The following HEATR6 variants were observed in gnomAD, a reference collection of about 807,000 sequenced individuals.
The protein encoded by HEATR6 is HEAT repeat-containing protein 6.
A neutral mutation model predicts 132.8 loss-of-function variants in HEATR6; 106 were observed. The ratio of observed to expected loss-of-function variants is 0.80; its 90% CI spans 0.68 to 0.94. HEATR6 has a LOEUF of 0.94. HEATR6 is among the 40% of genes least tolerant of loss of function. HEATR6 has a pLI of 0.00. For synonymous variants in HEATR6, 529 were observed against 537.8 expected, an observed-to-expected ratio of 0.98 and a Z score of 0.23; for missense variants, 1,339 against 1,425.1, an observed-to-expected ratio of 0.94 and a Z score of 0.97.
At chr17:60,048,994 A>G (rs1274618360) in intron 16 of HEATR6, among the ~76,000 whole-genome samples, 14,947 of 132,130 alleles carry the variant, frequency 0.11, 1,550 homozygotes, top group African/African-American at 0.24. Context: ...ATATATATAT[A>G]TATATATATA....
chr17:60,047,273 CTGTT>C (rs1906401017), intron 18 of HEATR6, 32 bp downstream of exon 18: 1 of 1,344,974 alleles, frequency 7.4e-7, no homozygotes, highest in Non-Finnish European at 1.1e-6. Flanking sequence ...CATTAACTAT[CTGTT>C]TGGGAGATAC....
intron 14 of HEATR6, among the ~76,000 whole-genome samples, chr17:60,052,892 T>C (rs1386074807): frequency 6.6e-6 from 1 of 152,092 alleles, no homozygotes; most frequent in Non-Finnish European, 1.5e-5. Flanking sequence ...CTCCTATGTG[T>C]TAGCATCTTT....
Position 60,041,784 on chromosome 17 carries a change from G to C in HEATR6, c.*1779C>G, listed in dbSNP as rs867318038. Among the ~76,000 whole-genome samples the C allele has an allele frequency of 4.6e-5, 7 of 152,122 alleles. No homozygotes were observed. Among genetic ancestry groups the C allele is most frequent in the African/African-American group, 7.2e-5 (3 of 41,424 alleles). On this transcript the variant is annotated 3_prime_UTR_variant, in exon 20 of 20. Transcript: ENST00000184956. ...AGAGGCAGGAAAACAGCAGCTAAAA[G>C]GCAAAGGAGAAAAATGGAAGACACC...
intron 1 of HEATR6, 35 bp from the exon 2 acceptor site, chr17:60,076,272 TA>T (rs751010839): frequency 8.4e-7 from 1 of 1,196,896 alleles, no homozygotes; most frequent in Non-Finnish European, 1.2e-6. Flanking sequence ...GTAAAATACT[TA>T]TTAGTCAAGT....
At chr17:60,066,771 T>A (rs979029432) in intron 8 of HEATR6, among the ~76,000 whole-genome samples, 1 of 152,118 alleles carries the variant, frequency 6.6e-6, no homozygotes. Flanking sequence ...CTGCCAGACA[T>A]AAACAAAGCC....
In HEATR6 at chr17:60,067,599, G is replaced by A; in HGVS notation, c.1073C>T (p.Thr358Ile). The change falls in exon 8 of 20, where the codon ACT becomes ATT. Residue 358 changes from threonine (T) to isoleucine (I), a missense_variant. Thr to Ile is a moderately conservative substitution (Grantham distance 89). Coordinates refer to ENST00000184956, the MANE Select transcript of HEATR6 (RefSeq NM_022070.5). Reference protein sequence around the residue: ...TGRVNLHEGNTWCPSSLGVQS... With the variant: ...TGRVNLHEGNIWCPSSLGVQS... ...GACACCCAGGGAGGAGGGACACCAA[G>A]TGTTCCCTTCATGCAGGTTCACTCT... 1 of 1,612,862 alleles carries A rather than the reference G, an allele frequency of 6.2e-7. No homozygotes were observed.
chr17:60,064,566 A>G (rs2083229466), intron 9 of HEATR6: 1 of 152,166 alleles, frequency 6.6e-6, no homozygotes. Context: ...CATCTTTTAA[A>G]ATCCACTTTA....
At chr17:60,049,402 T>C (rs796207988) in intron 16 of HEATR6, among the ~76,000 whole-genome samples, 178 bp downstream of exon 16, 8 of 151,984 alleles carry the variant, frequency 5.3e-5, no homozygotes, top group African/African-American at 1.9e-4. Context: ...AGTGCTGGGA[T>C]TACAGGCATG....
chr17:60,066,925 A>G (rs1315532774), intron 8 of HEATR6, among the ~76,000 whole-genome samples: 2 of 152,198 alleles, frequency 1.3e-5, no homozygotes, highest in Non-Finnish European at 2.9e-5. Context: ...CAAGACGAAA[A>G]GGCAAAAAAG....
At chr17:60,049,445 G>A in intron 16 of HEATR6, 135 bp downstream of exon 16, 1 of 999,400 alleles carries the variant, frequency 1.0e-6, no homozygotes. Flanking sequence ...CCATATTTTA[G>A]TAGCAATTAC....
intron 4 of HEATR6, among the ~76,000 whole-genome samples, chr17:60,072,734 C>T (rs2083276551): frequency 6.6e-6 from 1 of 152,204 alleles, no homozygotes; most frequent in South Asian, 2.1e-4. Context: ...ATTTGTGCTG[C>T]TCATTGTCTA....
rs1392831759 is a variant in HEATR6 at position 60,066,446 on chromosome 17, G to T, written c.1239-60C>A. On this transcript the variant is annotated intron_variant, in intron 8 of 19. Transcript: ENST00000184956. ...AAAAAATCATTTTTTTAAAAAAAATGCAAACATGAAATGGTATTTATTTCC... is the reference window on the plus strand; with the variant it reads ...AAAAAATCATTTTTTTAAAAAAAATTCAAACATGAAATGGTATTTATTTCC... 2.5e-5 allele frequency: 31 copies of T among 1,236,690 alleles called. No individual in the cohort carries two copies. In the East Asian group the frequency reaches 7.6e-4, roughly 31 times the overall value. 76.6% of individuals were successfully genotyped at this position (1,236,690 alleles called of 1,614,324 possible).
Position 60,048,370 on chromosome 17 carries a change from C to T in HEATR6, c.2566G>A (p.Asp856Asn). The change falls in exon 17 of 20, where the codon GAC (aspartate) becomes AAC (asparagine). Residue 856 changes from aspartate to asparagine, a missense_variant. Coordinates refer to ENST00000184956, the MANE Select transcript of HEATR6 (RefSeq NM_022070.5). ...CLRQDVIFVA[D>N]AANAILMSLE... Reference sequence around the variant, plus strand: ...GACATCAATATTGCATTTGCTGCGTCTGCAACAAATATGACATCCTGTAAC... The same window carrying T: ...GACATCAATATTGCATTTGCTGCGTTTGCAACAAATATGACATCCTGTAAC... The T allele has an allele frequency of 1.2e-6, 2 of 1,611,958 alleles. No individual in the cohort carries two copies. Among genetic ancestry groups the T allele is most frequent in the Non-Finnish European group, 1.7e-6 (2 of 1,178,432 alleles).
Position 60,056,089 on chromosome 17 carries a change from A to C in HEATR6, c.2202+26T>G, listed in dbSNP as rs745663204. ...GGATATAAAGTGAAGAGAAGGAAAA[A>C]GCATTGTGGTTTTGATGAAAATTAC... On this transcript the variant is annotated intron_variant, in intron 13 of 19. Transcript: ENST00000184956. The C allele has an allele frequency of 1.4e-5, 23 of 1,610,376 alleles. No homozygotes were observed. The Admixed American group carries it at 1.5e-4, about 11-fold the overall frequency.
chr17:60,063,557 G>T (rs1255595591), intron 9 of HEATR6: 2 of 152,156 alleles, frequency 1.3e-5, no homozygotes, highest in African/African-American at 4.8e-5. Flanking sequence ...AATCCGAATG[G>T]ACATTTCTAA....
chr17:60,066,996 C>T (rs778580930), intron 8 of HEATR6, among the ~76,000 whole-genome samples: 10 of 152,144 alleles, frequency 6.6e-5, no homozygotes, highest in Non-Finnish European at 1.2e-4. Flanking sequence ...GTCGGCCGGG[C>T]GCGGTGGCTC....
chr17:60,072,276 G>A lies in HEATR6; in HGVS notation c.638C>T (p.Ala213Val), dbSNP rs745980318. 6.2e-7 allele frequency: 1 copy of A among 1,611,298 alleles called. No individual in the cohort carries two copies. The highest frequency in any genetic ancestry group is 1.7e-5 in the Admixed American group (1 of 59,842). Reference protein sequence around the residue: ...EEPYQNVCFQAFLTILQSPKS... With the variant: ...EEPYQNVCFQVFLTILQSPKS... ...TGGAGACTGTAAAATAGTCAGAAAA[G>A]CTTGGAAACAGACATTTTGGTAGGG... The change falls in exon 5 of 20, where the codon GCT becomes GTT. Residue 213 changes from alanine to valine, a missense_variant. Coordinates refer to ENST00000184956, the MANE Select transcript of HEATR6 (RefSeq NM_022070.5).
Position 60,055,579 on chromosome 17 carries a change from C to A in HEATR6, c.2225G>T (p.Gly742Val), listed in dbSNP as rs778652534. 1 of 1,612,000 alleles carries A rather than the reference C, an allele frequency of 6.2e-7. No homozygotes were observed. Among genetic ancestry groups the A allele is most frequent in the South Asian group, 1.1e-5 (1 of 90,702 alleles). Residue 742 changes from glycine (G) to valine (V), a missense_variant, in exon 14 of 20, where the codon GGC becomes GTC. Physicochemically the swap from Gly to Val is moderately radical, Grantham distance 109. Coordinates refer to ENST00000184956, the MANE Select transcript of HEATR6 (RefSeq NM_022070.5). ...GAKLLEELGT[G>V]LIQQYKPDST... The stretch of plus-strand genomic sequence containing the variant: ...GTCTGGTTTATACTGCTGTATTAAG[C>A]CTGTGCCCAGTTCTTCCAGAAGCTG...
Position 60,051,060 on chromosome 17 carries a change from T to C in HEATR6, c.2290-83A>G, listed in dbSNP as rs540406157. ...GAGCTAAGCCTACCAGAAATGGCCTTAGTGAAACATTTTCCCTTAAAGTAG... is the reference window on the plus strand; with the variant it reads ...GAGCTAAGCCTACCAGAAATGGCCTCAGTGAAACATTTTCCCTTAAAGTAG... On this transcript the variant is annotated intron_variant, in intron 14 of 19. Transcript: ENST00000184956. 3 of 1,446,546 alleles carry C rather than the reference T, an allele frequency of 2.1e-6. No individual in the cohort carries two copies. The East Asian group carries it at 7.0e-5, about 34-fold the overall frequency. The allele number at this position is 1,446,546 out of a possible 1,614,324, so 89.6% of individuals were successfully genotyped here. A position where few individuals can be genotyped will look rare whatever the true frequency, so the allele number is the denominator to read the frequency against.
Sources: gnomAD v4.1 joint callset for allele counts (sites outside exome capture counted in the v4.1 genomes callset) on GRCh38, gnomAD v4.1.1 for gene constraint, MANE v1.5 for transcripts, NCBI Gene and HGNC (gene_info 2026-07-23, HGNC 2026-07-21) for gene names.